Variants in NUP58 observed in about 807,000 individuals in gnomAD.
The protein encoded by NUP58 is nucleoporin p58/p45.
Under a neutral mutation model 70.1 loss-of-function variants are expected in NUP58, and 17 were observed. That is an observed-to-expected ratio of 0.24 (90% CI 0.17 to 0.36). The LOEUF is 0.36. Among genes scored for constraint, NUP58 ranks in the 10% least tolerant of loss-of-function variants. The pLI is 1.00. For synonymous variants in NUP58, 275 were observed against 257.6 expected (o/e 1.07, Z -0.65); for missense variants, 644 against 701.5 (o/e 0.92, Z 0.93).
At chr13:25,302,971 T>A (rs779788747) in intron 1 of NUP58, 2 of 456,744 alleles carry the variant, frequency 4.4e-6, no homozygotes, top group South Asian at 3.1e-5. Context: ...GAACAAATAT[T>A]TATTGGACAG....
At chr13:25,322,483 C>A (rs1245926903) in intron 9 of NUP58, among the ~76,000 whole-genome samples, 1 of 152,094 alleles carries the variant, frequency 6.6e-6, no homozygotes, top group African/African-American at 2.4e-5. Context: ...GTTGCAAAAT[C>A]CAAAACTTTT....
At chr13:25,346,017 ACTC>A (rs1345029777), downstream of NUP58, among the ~76,000 whole-genome samples, 2 of 151,942 alleles carry the variant, frequency 1.3e-5, no homozygotes, top group Non-Finnish European at 2.9e-5. Context: ...CTTGGGGAGA[ACTC>A]CTTTCTTGTC....
chr13:25,333,358 C>G (rs1046692614), intron 13 of NUP58: 2 of 985,214 alleles, frequency 2.0e-6, no homozygotes, highest in East Asian at 1.1e-4. Context: ...TCTTGAGGAG[C>G]CTTTTGCTCA....
At chr13:25,321,119 C>G (rs188453482) in intron 9 of NUP58, 26 bp downstream of exon 9, 1 of 1,540,982 alleles carries the variant, frequency 6.5e-7, no homozygotes, top group Non-Finnish European at 8.7e-7. Flanking sequence ...GCCATTTTAC[C>G]GTAGGGTTTT....
At position 25,303,108 on chromosome 13, in the gene NUP58, A is replaced by G. The variant is rs1447613736; in HGVS notation, c.107+1228A>G. ...GCTGTCTTTCTTGTTTTAGATGAAA[A>G]CTACTCCAATCAACTTCTTCAATCT... On this transcript the variant is annotated intron_variant, in intron 1 of 15. Coordinates refer to ENST00000381736, the MANE Select transcript of NUP58 (RefSeq NM_014089.4). 1.1e-5 allele frequency: 5 copies of G among 456,082 alleles called. No homozygotes were observed. The East Asian group carries it at 2.8e-4, about 25-fold the overall frequency. The allele number at this position is 456,082 out of a possible 1,614,324, so 28.3% of individuals were successfully genotyped here. A position where few individuals can be genotyped will look rare whatever the true frequency, so the allele number is the denominator to read the frequency against.
chr13:25,304,561 G>C (rs111956994), intron 1 of NUP58, among the ~76,000 whole-genome samples: 1 of 138,296 alleles, frequency 7.2e-6, no homozygotes, highest in African/African-American at 2.8e-5. Context: ...TTGTTACCCA[G>C]CCTGGAGTGC....
intron 3 of NUP58, chr13:25,310,043 T>G (rs1425147217): frequency 2.5e-6 from 1 of 401,982 alleles, no homozygotes; most frequent in East Asian, 8.4e-5. Flanking sequence ...TTTTCTTTTT[T>G]GCTTTTTTTT....
rs747595824 is a variant in NUP58, at chr13:25,339,980, G to A, written c.1646G>A (p.Ser549Asn). The A allele has an allele frequency of 6.2e-7, 1 of 1,604,068 alleles. No individual in the cohort carries two copies. Among genetic ancestry groups the A allele is most frequent in the Non-Finnish European group, 8.5e-7 (1 of 1,176,522 alleles). Reference sequence around the variant, plus strand: ...TAAACATAAGGCTTTGGCAGCTCAAGTACATCTGGGTTTAACTTCAGCAAT... The same window carrying A: ...TAAACATAAGGCTTTGGCAGCTCAAATACATCTGGGTTTAACTTCAGCAAT... ...GSLSAGFGSS[S>N]TSGFNFSNPG... The change falls in exon 16 of 16, where the codon AGT (serine) becomes AAT (asparagine). Residue 549 changes from serine (S) to asparagine (N), a missense_variant. Ser to Asn is a conservative substitution (Grantham distance 46, BLOSUM62 1). Coordinates refer to ENST00000381736, the MANE Select transcript of NUP58 (RefSeq NM_014089.4).
intron 5 of NUP58, 150 bp downstream of exon 5, chr13:25,313,901 T>A (rs2030801746): frequency 1.8e-6 from 1 of 551,666 alleles, no homozygotes; most frequent in Admixed American, 4.3e-5. Context: ...TTTTCATACA[T>A]AATTGGATGT....
Position 25,310,206 on chromosome 13 carries a change from A to ATTTTTTTT in NUP58, c.286+947_286+954dup, listed in dbSNP as rs796547133. Among the ~76,000 whole-genome samples the ATTTTTTTT allele has an allele frequency of 4.0e-4, 19 of 47,496 alleles. 1 individual carries two copies. The highest frequency in any genetic ancestry group is 1.2e-3 in the African/African-American group (19 of 15,354). The allele number at this position is 47,496 out of a possible 152,430, so 31.2% of individuals were successfully genotyped here. A position where few individuals can be genotyped will look rare whatever the true frequency, so the allele number is the denominator to read the frequency against. The stretch of plus-strand genomic sequence containing the variant: ...AGGCACATACCACAACCCTTGGCTA[A>ATTTTTTTT]TTTTTTTTTTTTTTTTTTTTTTTTT... On this transcript the variant is annotated intron_variant, in intron 3 of 15. Coordinates refer to ENST00000381736, the MANE Select transcript of NUP58 (RefSeq NM_014089.4).
At position 25,313,758 on chromosome 13, in the gene NUP58, G is replaced by C. The variant is rs186467451; in HGVS notation, c.574+7G>C. On this transcript the variant is annotated splice_region_variant and intron_variant, in intron 5 of 15. Transcript: ENST00000381736. ...ACAAACACAGGAACATCAGGTAATT[G>C]ATGGTATTTATTCTCCAGAATAGTA... The C allele has an allele frequency of 1.3e-5, 19 of 1,518,334 alleles. No homozygotes were observed. In the Admixed American group the frequency reaches 3.7e-4, roughly 30 times the overall value. 94.1% of individuals were successfully genotyped at this position (1,518,334 alleles called of 1,614,324 possible). A position where few individuals can be genotyped will look rare whatever the true frequency, so the allele number is the denominator to read the frequency against.
chr13:25,315,590 T>TA, intron 6 of NUP58, 123 bp downstream of exon 6: 1 of 673,940 alleles, frequency 1.5e-6, no homozygotes, highest in East Asian at 2.5e-5. Flanking sequence ...TTAGCTATCT[T>TA]AATGTGTATA....
At chr13:25,333,446 G>T in intron 13 of NUP58, 1 of 985,392 alleles carries the variant, frequency 1.0e-6, no homozygotes, top group South Asian at 4.7e-5. Flanking sequence ...AAACTTTGAA[G>T]TCCACATAAG....
intron 6 of NUP58, 122 bp from the exon 7 acceptor site, chr13:25,319,204 C>A: frequency 2.2e-6 from 2 of 906,184 alleles, no homozygotes. Context: ...GTTTATGAGG[C>A]AAGCAAAGAA....
intron 6 of NUP58, among the ~76,000 whole-genome samples, chr13:25,316,757 C>G (rs995493760): frequency 6.6e-6 from 1 of 152,126 alleles, no homozygotes; most frequent in Non-Finnish European, 1.5e-5. Flanking sequence ...GCTCAAAGAG[C>G]AGGCTAAGGC....
At chr13:25,304,702 G>A (rs1043521080) in intron 1 of NUP58, among the ~76,000 whole-genome samples, 10 of 150,510 alleles carry the variant, frequency 6.6e-5, no homozygotes, top group East Asian at 5.9e-4. Flanking sequence ...TTTATTTTTG[G>A]TATTTTTAGT....
intron 15 of NUP58, among the ~76,000 whole-genome samples, chr13:25,339,435 A>G (rs2137839502): frequency 6.6e-6 from 1 of 152,328 alleles, no homozygotes; most frequent in Non-Finnish European, 1.5e-5. Flanking sequence ...ATTATAATTG[A>G]AATATTGTAT....
downstream of NUP58, among the ~76,000 whole-genome samples, chr13:25,343,617 T>C (rs1032392427): frequency 2.6e-5 from 4 of 151,540 alleles, no homozygotes; most frequent in African/African-American, 4.8e-5. Context: ...GGCTAATTTT[T>C]GTATTTTTAG....
In NUP58 at chr13:25,326,846, T is replaced by A. The variant is rs971837636; in HGVS notation, c.1032-70T>A. On this transcript the variant is annotated intron_variant, in intron 10 of 15. Coordinates refer to ENST00000381736, the MANE Select transcript of NUP58 (RefSeq NM_014089.4). Reference sequence around the variant, plus strand: ...AAGACTATTAAATGATTGCAGAATATTCCTTAATTTGGATTTGTCACTCCA... The same window carrying A: ...AAGACTATTAAATGATTGCAGAATAATCCTTAATTTGGATTTGTCACTCCA... The A allele has an allele frequency of 1.9e-5, 15 of 806,980 alleles. No homozygotes were observed. In the Middle Eastern group the frequency reaches 8.4e-4, roughly 45 times the overall value. 50.0% of individuals were successfully genotyped at this position (806,980 alleles called of 1,614,324 possible). A position where few individuals can be genotyped will look rare whatever the true frequency, so the allele number is the denominator to read the frequency against.
Sources: allele counts gnomAD v4.1 joint callset (sites outside exome capture counted in the v4.1 genomes callset), GRCh38; gene constraint gnomAD v4.1.1; transcripts MANE v1.5; gene names NCBI Gene and HGNC (gene_info 2026-07-23, HGNC 2026-07-21).